SLC24A2: variants seen among roughly 807,000 people sequenced by gnomAD.
The protein encoded by SLC24A2 is sodium/potassium/calcium exchanger 2.
A neutral mutation model predicts 62.0 loss-of-function variants in SLC24A2; 36 were observed. The ratio of observed to expected loss-of-function variants is 0.58; its 90% confidence interval spans 0.44 to 0.77. The LOEUF is 0.77. Among genes scored for constraint, SLC24A2 ranks in the 30% least tolerant of loss-of-function variants. The pLI, the probability that SLC24A2 is intolerant of heterozygous loss-of-function variation, is 0.00. For missense variants in SLC24A2, 846 were observed against 817.9 expected, an observed-to-expected ratio of 1.03 and a Z score of -0.42; for synonymous variants, 358 against 294.0, an observed-to-expected ratio of 1.22 and a Z score of -2.23.
At chr9:19,560,926 GA>G (rs1835364947) in intron 7 of SLC24A2, among the ~76,000 whole-genome samples, 1 of 142,210 alleles carries the variant, frequency 7.0e-6, no homozygotes, top group Non-Finnish European at 1.5e-5. Context: ...TAGAGAGAGA[GA>G]GAGAGAGAGA....
At chr9:20,293,134 G>C in the SLC24A2 span, among the ~76,000 whole-genome samples, 1 of 152,212 alleles carries the variant, frequency 6.6e-6, no homozygotes, top group African/African-American at 2.4e-5. Context: ...TATTGGATTA[G>C]GGACCAGTCC....
chr9:19,829,767 G>A, the SLC24A2 span, among the ~76,000 whole-genome samples: 2,276 of 28,932 alleles, frequency 0.079, 53 homozygotes, highest in African/African-American at 0.17. Context: ...ATATATATAT[G>A]TGTGTGTGTG....
chr9:19,934,513 C>T, the SLC24A2 span, among the ~76,000 whole-genome samples: 1 of 152,188 alleles, frequency 6.6e-6, no homozygotes, highest in Non-Finnish European at 1.5e-5. This position sits in a 1 kb window ranked among gnomAD's most constrained non-coding sequence, Gnocchi z 4.1. Context: ...CGCGCACCCC[C>T]GTTCCGGCCC....
Position 19,516,083 on chromosome 9 carries a change from G to T in SLC24A2, c.*70C>A. ...TGTGCCAGCTGCCTCTTCTCAAGAG[G>T]TCAAGGAGCCCAGAGCCCAGAGTGT... On this transcript the variant is annotated 3_prime_UTR_variant, in exon 11 of 11. Transcript: ENST00000341998. 1.3e-6 allele frequency: 2 copies of T among 1,598,552 alleles called. No homozygotes were observed. The highest frequency in any genetic ancestry group is 1.7e-6 in the Non-Finnish European group (2 of 1,166,758).
chr9:20,042,681 G>A, the SLC24A2 span, among the ~76,000 whole-genome samples: 16,137 of 152,222 alleles, frequency 0.11, 855 homozygotes, highest in East Asian at 0.18. Flanking sequence ...ATTGCACTTT[G>A]CAGGTAGTGT....
chr9:19,843,677 C>T, the SLC24A2 span, among the ~76,000 whole-genome samples: 882 of 152,222 alleles, frequency 5.8e-3, 7 homozygotes, highest in Non-Finnish European at 8.9e-3. Flanking sequence ...GTCTCCCATC[C>T]ATCCCTCCCT....
intron 8 of SLC24A2, among the ~76,000 whole-genome samples, chr9:19,530,648 A>C (rs1054286811): frequency 6.6e-6 from 1 of 152,214 alleles, no homozygotes; most frequent in African/African-American, 2.4e-5. Context: ...AAAGGAACTA[A>C]ATTCAAATCA....
the SLC24A2 span, among the ~76,000 whole-genome samples, chr9:20,145,791 G>GTGTATATGC: frequency 1.3e-5 from 2 of 151,816 alleles, no homozygotes; most frequent in Non-Finnish European, 2.9e-5. Context: ...ATATGTATAT[G>GTGTATATGC]TGTATATGCA....
the SLC24A2 span, among the ~76,000 whole-genome samples, chr9:20,075,806 G>A: frequency 6.6e-6 from 1 of 152,130 alleles, no homozygotes; most frequent in Non-Finnish European, 1.5e-5. Flanking sequence ...CCCATTTTAA[G>A]AGAAATTGTT....
the SLC24A2 span, among the ~76,000 whole-genome samples, chr9:20,002,165 C>G: frequency 6.6e-6 from 1 of 152,268 alleles, no homozygotes; most frequent in East Asian, 1.9e-4. Context: ...CTTGTCACCA[C>G]AAGATTTCAA....
At chr9:20,252,660 G>C in the SLC24A2 span, among the ~76,000 whole-genome samples, 1 of 152,240 alleles carries the variant, frequency 6.6e-6, no homozygotes, top group Non-Finnish European at 1.5e-5. Context: ...CTGATGGTAA[G>C]AAACTCAGGT....
chr9:19,786,454 T>C lies in SLC24A2; in HGVS notation c.413A>G (p.His138Arg). 6.2e-7 allele frequency: 1 copy of C among 1,614,112 alleles called. No homozygotes were observed. Among genetic ancestry groups the C allele is most frequent in the Non-Finnish European group, 8.5e-7 (1 of 1,180,010 alleles). The change falls in exon 2 of 11, where the codon CAT (histidine) becomes CGT (arginine). Residue 138 changes from histidine (H) to arginine (R), a missense_variant. His to Arg is a conservative substitution (Grantham distance 29). Coordinates refer to ENST00000341998, the MANE Select transcript of SLC24A2 (RefSeq NM_020344.4). The surrounding 1 kb of genome is among the most constrained non-coding windows in gnomAD (Gnocchi z 5.0). ...EERRKGAIILHVIGMIYMFIA... is the reference protein window; with the variant it reads ...EERRKGAIILRVIGMIYMFIA... ...GAACATGTAGATCATTCCAATGACATGCAGAATGATCGCACCTTTTCTTCT... is the reference window on the plus strand; with the variant it reads ...GAACATGTAGATCATTCCAATGACACGCAGAATGATCGCACCTTTTCTTCT...
Position 19,651,123 on chromosome 9 carries a change from G to A in SLC24A2, c.931-28824C>T, listed in dbSNP as rs551087987. 3.1e-3 allele frequency among the ~76,000 whole-genome samples: 473 copies of A among 152,198 alleles called. 2 individuals are homozygous for A. Among genetic ancestry groups the A allele is most frequent in the Non-Finnish European group, 5.1e-3 (345 of 68,012 alleles). ...TTAGGTAGCACAGATCTGAAGCCCC[G>A]ATTACCTCATCTGCAGTTATCCTAT... On this transcript the variant is annotated intron_variant, in intron 2 of 10. Transcript: ENST00000341998.
At chr9:20,058,039 C>A in the SLC24A2 span, among the ~76,000 whole-genome samples, 2 of 152,146 alleles carry the variant, frequency 1.3e-5, no homozygotes, top group African/African-American at 2.4e-5. Context: ...TAAAGCCTAA[C>A]AAAGGAGTGT....
At chr9:19,556,843 T>C (rs1306175623) in intron 7 of SLC24A2, among the ~76,000 whole-genome samples, 1 of 152,226 alleles carries the variant, frequency 6.6e-6, no homozygotes, top group Non-Finnish European at 1.5e-5. Flanking sequence ...AAGGCAGAGC[T>C]CATTTGTCTC....
the SLC24A2 span, among the ~76,000 whole-genome samples, chr9:20,198,616 A>G: frequency 6.6e-6 from 1 of 151,952 alleles, no homozygotes; most frequent in African/African-American, 2.4e-5. Flanking sequence ...GGTGTTGGGG[A>G]GAGGCAATTT....
chr9:19,991,255 G>C, the SLC24A2 span, among the ~76,000 whole-genome samples: 1 of 152,070 alleles, frequency 6.6e-6, no homozygotes, highest in Non-Finnish European at 1.5e-5. Context: ...AGCCACTGGT[G>C]TAAGTCCAAG....
chr9:19,821,727 C>T, the SLC24A2 span, among the ~76,000 whole-genome samples: 2 of 152,040 alleles, frequency 1.3e-5, no homozygotes, highest in African/African-American at 4.8e-5. Flanking sequence ...TATTGTATAT[C>T]CTAACTTTCT....
chr9:19,545,712 C>G (rs902145932), intron 8 of SLC24A2, among the ~76,000 whole-genome samples: 16 of 151,748 alleles, frequency 1.1e-4, no homozygotes, highest in African/African-American at 3.4e-4. Context: ...AATCATGGCT[C>G]ACTGCAAGCT....
Sources: allele counts gnomAD v4.1 joint callset (sites outside exome capture counted in the v4.1 genomes callset), GRCh38; gene constraint gnomAD v4.1.1; non-coding constraint Gnocchi (gnomAD v3.1); transcripts MANE v1.5; gene names NCBI Gene and HGNC (gene_info 2026-07-23, HGNC 2026-07-21).